CSMD2: variants seen among roughly 807,000 people sequenced by gnomAD.
CSMD2 encodes CUB and Sushi multiple domains 2.
Under a neutral mutation model 398.5 loss-of-function variants are expected in CSMD2, and 130 were observed. The observed-to-expected ratio is 0.33, with a 90% CI of 0.28 to 0.38. CSMD2 has a LOEUF of 0.38. Among genes scored for constraint, CSMD2 ranks in the 10% least tolerant of loss-of-function variants. CSMD2 has a pLI of 1.00. For synonymous variants in CSMD2, 1,828 were observed against 1,908.5 expected, an observed-to-expected ratio of 0.96 and a Z score of 1.10; for missense variants, 3,829 against 4,764.9, an observed-to-expected ratio of 0.80 and a Z score of 5.78.
intron 15 of CSMD2, among the ~76,000 whole-genome samples, chr1:33,733,915 G>A (rs1413201958): frequency 2.0e-5 from 3 of 152,170 alleles, no homozygotes; most frequent in African/African-American, 2.4e-5. Flanking sequence ...AATTGGCCTG[G>A]TATTTAGCAC....
chr1:33,713,789 A>T (rs1646069094), intron 21 of CSMD2, among the ~76,000 whole-genome samples: 1 of 152,096 alleles, frequency 6.6e-6, no homozygotes, highest in African/African-American at 2.4e-5. Flanking sequence ...CTTCTCCCAG[A>T]TATCTATCTC....
chr1:34,037,314 G>A (rs1035978930), intron 2 of CSMD2, among the ~76,000 whole-genome samples: 2 of 151,902 alleles, frequency 1.3e-5, no homozygotes, highest in Non-Finnish European at 2.9e-5. Context: ...GCCCCCACCG[G>A]CGGCACTGAC....
At chr1:33,789,888 C>A (rs1011696165) in intron 11 of CSMD2, among the ~76,000 whole-genome samples, 1 of 152,170 alleles carries the variant, frequency 6.6e-6, no homozygotes, top group African/African-American at 2.4e-5. Context: ...CTGTTTGACC[C>A]AATTACAGCA....
intron 5 of CSMD2, among the ~76,000 whole-genome samples, chr1:33,852,846 C>G (rs1234252408): frequency 6.6e-6 from 1 of 152,232 alleles, no homozygotes; most frequent in African/African-American, 2.4e-5. Context: ...AGATTGCAAC[C>G]ATGCCCATTC....
At chr1:33,530,083 A>G (rs114783130) in intron 64 of CSMD2, among the ~76,000 whole-genome samples, 2 of 152,338 alleles carry the variant, frequency 1.3e-5, no homozygotes, top group Non-Finnish European at 2.9e-5. Flanking sequence ...GCAAAAGTAG[A>G]CAAATGAGAT....
intron 3 of CSMD2, among the ~76,000 whole-genome samples, chr1:33,990,777 G>A (rs1477901017): frequency 6.6e-6 from 1 of 152,154 alleles, no homozygotes; most frequent in East Asian, 1.9e-4. Flanking sequence ...GGCCAGGGGT[G>A]AGCCTACTGA....
intron 12 of CSMD2, 87 bp from the exon 13 acceptor site, chr1:33,772,838 G>T: frequency 1.8e-6 from 2 of 1,118,318 alleles, no homozygotes; most frequent in Non-Finnish European, 2.6e-6. Flanking sequence ...AAGCTCTACT[G>T]CTCTTCTGCC....
At chr1:33,704,897 G>A (rs907748166) in intron 22 of CSMD2, among the ~76,000 whole-genome samples, 4 of 151,768 alleles carry the variant, frequency 2.6e-5, no homozygotes, top group African/African-American at 9.7e-5. Flanking sequence ...CAAGTAGCTG[G>A]GACTACAGGC....
chr1:33,808,746 C>G (rs1265032916), intron 10 of CSMD2, among the ~76,000 whole-genome samples: 1 of 151,672 alleles, frequency 6.6e-6, no homozygotes, highest in Non-Finnish European at 1.5e-5. Context: ...AGAGCAGAAA[C>G]TGACAAATTA....
intron 7 of CSMD2, among the ~76,000 whole-genome samples, chr1:33,822,049 C>T (rs1182271807): frequency 6.6e-6 from 1 of 152,106 alleles, no homozygotes; most frequent in African/African-American, 2.4e-5. Flanking sequence ...GAGTCTGATC[C>T]TGAAAATGAT....
chr1:33,790,801 ATATCTATC>A (rs3078814), intron 11 of CSMD2, among the ~76,000 whole-genome samples: 16,269 of 148,488 alleles, frequency 0.11, 1,073 homozygotes, highest in Admixed American at 0.21. Flanking sequence ...CATCTCTCTA[ATATCTATC>A]TATCTATCTA....
At chr1:34,102,616 A>AGCC (rs1558390374) in intron 1 of CSMD2, among the ~76,000 whole-genome samples, 8 of 70,978 alleles carry the variant, frequency 1.1e-4, no homozygotes, top group African/African-American at 2.3e-4. Context: ...CCTGTGATCC[A>AGCC]ACCATATCCC....
chr1:33,968,905 TG>T (rs1296174580), intron 3 of CSMD2, among the ~76,000 whole-genome samples: 1 of 152,252 alleles, frequency 6.6e-6, no homozygotes, highest in African/African-American at 2.4e-5. Context: ...ACACCCAGCT[TG>T]TTCTGGGACT....
rs147180253 is a variant in CSMD2 at position 34,004,558 on chromosome 1, G to A, written c.517+28036C>T. 2.6e-4 allele frequency among the ~76,000 whole-genome samples: 39 copies of A among 152,114 alleles called. No individual in the cohort carries two copies. In the East Asian group the frequency reaches 4.5e-3, roughly 17 times the overall value. ...CACGCCATCAATAATAACATGTGTC[G>A]TCAATTTAATTAGGGCTTTTTGGGA... is the stretch of plus-strand genomic sequence containing the variant. On this transcript the variant is annotated intron_variant, in intron 3 of 70. Transcript: ENST00000373381.
intron 3 of CSMD2, among the ~76,000 whole-genome samples, chr1:33,952,002 C>T (rs767223809): frequency 6.6e-6 from 1 of 152,226 alleles, no homozygotes. Context: ...AGACATCCCC[C>T]TCTCCTCCGT....
At chr1:33,960,070 G>T (rs1459556133) in intron 3 of CSMD2, among the ~76,000 whole-genome samples, 1 of 152,154 alleles carries the variant, frequency 6.6e-6, no homozygotes, top group Non-Finnish European at 1.5e-5. Flanking sequence ...AGGTCACAAT[G>T]GTCCACAGTG....
At chr1:34,069,020 G>GGACT (rs1467980446) in intron 2 of CSMD2, among the ~76,000 whole-genome samples, 2 of 152,138 alleles carry the variant, frequency 1.3e-5, no homozygotes, top group Non-Finnish European at 2.9e-5. Flanking sequence ...CATGAAAAAT[G>GGACT]GACTAATAAA....
intron 5 of CSMD2, among the ~76,000 whole-genome samples, chr1:33,868,252 C>A (rs1205665080): frequency 6.6e-6 from 1 of 152,190 alleles, no homozygotes; most frequent in Non-Finnish European, 1.5e-5. Context: ...ATGACTGAAT[C>A]ACTCAACTCT....
intron 5 of CSMD2, among the ~76,000 whole-genome samples, chr1:33,915,733 G>C (rs1379094839): frequency 1.3e-5 from 2 of 152,220 alleles, no homozygotes; most frequent in Non-Finnish European, 2.9e-5. Flanking sequence ...GTTTATAGAA[G>C]TGAAAACTTG....
Sources: gnomAD v4.1 joint callset for allele counts (sites outside exome capture counted in the v4.1 genomes callset) on GRCh38, gnomAD v4.1.1 for gene constraint, MANE v1.5 for transcripts, NCBI Gene and HGNC (gene_info 2026-07-23, HGNC 2026-07-21) for gene names.